The following ROCK2 variants were observed in gnomAD, a reference collection of about 807,000 sequenced individuals.
ROCK2 encodes the protein rho-associated protein kinase 2.
Under a neutral mutation model 195.1 loss-of-function variants are expected in ROCK2, and 61 were observed. The observed-to-expected ratio is 0.31, with a 90% CI of 0.25 to 0.39. ROCK2 has a LOEUF of 0.39. Ranked by LOEUF, ROCK2 falls within the 10% of genes least tolerant of loss-of-function variation. The pLI, the probability that ROCK2 is intolerant of heterozygous loss-of-function variation, is 1.00. For missense variants in ROCK2, 1,109 were observed against 1,637.4 expected (o/e 0.68, Z 5.57); for synonymous variants, 504 against 545.5 (o/e 0.92, Z 1.06).
intron 1 of ROCK2, chr2:11,308,217 T>C (rs112962464): frequency 0.011 from 16,607 of 1,474,674 alleles, 225 homozygotes; most frequent in East Asian, 0.06. Flanking sequence ...ACAGGCAAAA[T>C]TGCAACATGC....
At chr2:11,237,364 C>T (rs1459773618) in intron 4 of ROCK2, among the ~76,000 whole-genome samples, 1 of 152,068 alleles carries the variant, frequency 6.6e-6, no homozygotes, top group East Asian at 1.9e-4. Flanking sequence ...AAATACAGAG[C>T]AATGTCAGAA....
chr2:11,332,873 T>C (rs1018180855), intron 1 of ROCK2, among the ~76,000 whole-genome samples: 4 of 152,208 alleles, frequency 2.6e-5, no homozygotes, highest in African/African-American at 9.6e-5. Flanking sequence ...GCAACACAGA[T>C]GAATGTCAAA....
intron 1 of ROCK2, among the ~76,000 whole-genome samples, chr2:11,334,314 C>T (rs1178785363): frequency 3.3e-5 from 5 of 151,942 alleles, no homozygotes; most frequent in African/African-American, 4.8e-5. Flanking sequence ...AGTTTGAGAC[C>T]ATCCTGGCCA....
intron 1 of ROCK2, among the ~76,000 whole-genome samples, chr2:11,329,034 C>T (rs2060635): frequency 0.81 from 122,009 of 151,214 alleles, 50,870 homozygotes; most frequent in East Asian, 0.99. Flanking sequence ...AACCTGCACA[C>T]TGTGCACATG....
chr2:11,191,246 T>C (rs1032828576), intron 32 of ROCK2, among the ~76,000 whole-genome samples: 1 of 152,174 alleles, frequency 6.6e-6, no homozygotes, highest in Non-Finnish European at 1.5e-5. Flanking sequence ...AATGCTGAAG[T>C]AGTTAGTAAG....
chr2:11,247,391 T>C (rs1259200546), intron 4 of ROCK2, among the ~76,000 whole-genome samples: 1 of 152,242 alleles, frequency 6.6e-6, no homozygotes, highest in Non-Finnish European at 1.5e-5. Context: ...TCAAACATTT[T>C]ATACACATAA....
At chr2:11,252,381 A>G (rs1450836104) in intron 3 of ROCK2, among the ~76,000 whole-genome samples, 1 of 150,324 alleles carries the variant, frequency 6.7e-6, no homozygotes, top group Non-Finnish European at 1.5e-5. Context: ...ATTGCACTCC[A>G]GCCTGGGTGA....
chr2:11,246,397 T>A (rs1665616547), intron 4 of ROCK2, among the ~76,000 whole-genome samples: 1 of 152,128 alleles, frequency 6.6e-6, no homozygotes, highest in Admixed American at 6.6e-5. Flanking sequence ...AATTTTTTTT[T>A]AATGCCAAAA....
intron 6 of ROCK2, among the ~76,000 whole-genome samples, chr2:11,225,088 AG>A (rs1196131181): frequency 2.0e-5 from 3 of 152,212 alleles, no homozygotes; most frequent in African/African-American, 7.2e-5. Flanking sequence ...AGAGGAAGTC[AG>A]GCCCAGAGAG....
At chr2:11,321,434 C>A (rs1668396593) in intron 1 of ROCK2, among the ~76,000 whole-genome samples, 1 of 151,418 alleles carries the variant, frequency 6.6e-6, no homozygotes, top group Admixed American at 6.6e-5. Flanking sequence ...CCTCAGCCTC[C>A]CAAGTGCTGG....
intron 1 of ROCK2, among the ~76,000 whole-genome samples, chr2:11,323,586 AAG>A (rs1668461730): frequency 6.6e-6 from 1 of 152,202 alleles, no homozygotes; most frequent in Non-Finnish European, 1.5e-5. Flanking sequence ...TACTACCCAG[AAG>A]AGGTCATAAT....
intron 1 of ROCK2, among the ~76,000 whole-genome samples, chr2:11,319,754 TATTATTTTTAG>T (rs945946838): frequency 3.5e-5 from 5 of 144,222 alleles, no homozygotes; most frequent in Non-Finnish European, 7.7e-5. Context: ...AAATAGCTCT[TATTATTTTTAG>T]ATACGTCCCA....
chr2:11,183,426 A>G lies in ROCK2; in HGVS notation c.*11T>C. ...ATCACCTTGAATAATGACTGCTTTCATAGAAGGCAGTTAGCTGAAAAGAAA... is the reference window on the plus strand; with the variant it reads ...ATCACCTTGAATAATGACTGCTTTCGTAGAAGGCAGTTAGCTGAAAAGAAA... On this transcript the variant is annotated 3_prime_UTR_variant, in exon 33 of 33. Coordinates refer to ENST00000315872, the MANE Select transcript of ROCK2 (RefSeq NM_004850.5). The G allele has an allele frequency of 6.3e-7, 1 of 1,597,742 alleles. No homozygotes were observed. Among genetic ancestry groups the G allele is most frequent in the Non-Finnish European group, 8.6e-7 (1 of 1,169,352 alleles).
Position 11,193,861 on chromosome 2 carries a change from T to A in ROCK2, c.3609-4A>T, listed in dbSNP as rs765217796. On this transcript the variant is annotated splice_polypyrimidine_tract_variant and splice_region_variant and intron_variant, in intron 29 of 32. Transcript: ENST00000315872. Reference sequence around the variant, plus strand: ...TGGTCGGACATGAAATAACTTGCTATAAAAAATTTTGAATAAAGGAATAAA... The same window carrying A: ...TGGTCGGACATGAAATAACTTGCTAAAAAAAATTTTGAATAAAGGAATAAA... 1.9e-6 allele frequency: 3 copies of A among 1,564,398 alleles called. No homozygotes were observed. Among genetic ancestry groups the A allele is most frequent in the Non-Finnish European group, 2.6e-6 (3 of 1,141,446 alleles).
chr2:11,345,048 C>A (rs1449132509), upstream of ROCK2, among the ~76,000 whole-genome samples: 6 of 151,986 alleles, frequency 3.9e-5, no homozygotes, highest in African/African-American at 1.4e-4. Flanking sequence ...CCGCGGCCCC[C>A]GCTGACTCAG....
intron 4 of ROCK2, among the ~76,000 whole-genome samples, chr2:11,242,867 T>C (rs868344783): frequency 1.5e-4 from 23 of 152,202 alleles, no homozygotes; most frequent in Admixed American, 3.3e-4. Context: ...ATTTATGTCA[T>C]CATGGTTCTT....
chr2:11,197,457 CACAG>C lies in ROCK2; in HGVS notation c.3279+65_3279+68del. The C allele has an allele frequency of 6.5e-7, 1 of 1,546,300 alleles. No individual in the cohort carries two copies. Among genetic ancestry groups the C allele is most frequent in the South Asian group, 1.2e-5 (1 of 82,178 alleles). On this transcript the variant is annotated intron_variant, in intron 26 of 32. Transcript: ENST00000315872. The surrounding 1 kb of genome is among the most constrained non-coding windows in gnomAD (Gnocchi z 4.9). ...TAGAAATGGTCTATAACCAGTAAAA[CACAG>C]ACATGAAAATAATTCTACTTCTTAA...
intron 1 of ROCK2, among the ~76,000 whole-genome samples, chr2:11,339,054 G>A (rs940994698): frequency 6.6e-6 from 1 of 152,140 alleles, no homozygotes; most frequent in African/African-American, 2.4e-5. Flanking sequence ...ATAGGTGTGT[G>A]CATTTGTCAA....
intron 3 of ROCK2, among the ~76,000 whole-genome samples, chr2:11,255,846 G>T (rs538318107): frequency 3.4e-5 from 5 of 147,538 alleles, no homozygotes; most frequent in Non-Finnish European, 7.4e-5. Flanking sequence ...CTTAAACCTG[G>T]GAGGCAGGGG....
Sources: gnomAD v4.1 joint callset for allele counts (sites outside exome capture counted in the v4.1 genomes callset) on GRCh38, gnomAD v4.1.1 for gene constraint, Gnocchi (gnomAD v3.1) non-coding constraint, MANE v1.5 for transcripts, NCBI Gene and HGNC (gene_info 2026-07-23, HGNC 2026-07-21) for gene names.